The following CNTN5 variants were observed in gnomAD, a reference collection of about 807,000 sequenced individuals.
CNTN5 encodes the protein contactin 5, also known as contactin-5.
CNTN5 carries 77 observed loss-of-function variants against 129.1 expected under a neutral mutation model. That is an observed-to-expected ratio of 0.60 (90% CI 0.50 to 0.72). The LOEUF (loss-of-function observed/expected upper bound fraction) is 0.72, where lower values mean the gene tolerates loss of function less well. CNTN5 is among the 30% of genes least tolerant of loss of function. CNTN5 has a pLI of 0.00. For synonymous variants in CNTN5, 509 were observed against 465.6 expected (o/e 1.09, Z -1.20); for missense variants, 1,478 against 1,328.8 (o/e 1.11, Z -1.75).
chr11:99,591,723 A>G (rs1949987181), intron 3 of CNTN5, among the ~76,000 whole-genome samples: 1 of 152,120 alleles, frequency 6.6e-6, no homozygotes, highest in Non-Finnish European at 1.5e-5. Context: ...ATTGTGGAGT[A>G]AAGAGAGGCT....
chr11:99,923,749 A>ATCTGTCTG (rs369958644), intron 7 of CNTN5, among the ~76,000 whole-genome samples: 74 of 145,190 alleles, frequency 5.1e-4, no homozygotes, highest in African/African-American at 9.4e-4. Context: ...TATCTAATCT[A>ATCTGTCTG]TCTGTCTGTC....
At chr11:99,170,157 G>C (rs1161155169) in intron 1 of CNTN5, among the ~76,000 whole-genome samples, 1 of 151,706 alleles carries the variant, frequency 6.6e-6, no homozygotes, top group East Asian at 1.9e-4. Context: ...TGTATATATG[G>C]CTTACGTTTA....
chr11:99,950,846 A>G (rs1179784853), intron 7 of CNTN5, among the ~76,000 whole-genome samples: 1 of 152,172 alleles, frequency 6.6e-6, no homozygotes, highest in East Asian at 1.9e-4. Flanking sequence ...TACAATAATG[A>G]AAGAAGATTA....
chr11:99,187,903 C>T lies in CNTN5; in HGVS notation c.-209-137443C>T, dbSNP rs147415135. On this transcript the variant is annotated intron_variant, in intron 1 of 24. Coordinates refer to ENST00000524871, the MANE Select transcript of CNTN5 (RefSeq NM_014361.4). ...TACATTTAAGAAAGTCTTAATCCAT[C>T]CTTGAACACTTCTTTTTTGATCACT... 6.3e-3 allele frequency among the ~76,000 whole-genome samples: 962 copies of T among 151,840 alleles called. 7 individuals carry two copies. Among genetic ancestry groups the T allele is most frequent in the African/African-American group, 0.022 (930 of 41,490 alleles).
At chr11:99,261,295 A>C (rs576932639) in intron 1 of CNTN5, among the ~76,000 whole-genome samples, 1 of 152,136 alleles carries the variant, frequency 6.6e-6, no homozygotes, top group African/African-American at 2.4e-5. Context: ...TAAAATGTGT[A>C]ATTCTTCTTA....
intron 2 of CNTN5, among the ~76,000 whole-genome samples, chr11:99,376,058 C>T (rs1016776889): frequency 6.6e-6 from 1 of 151,884 alleles, no homozygotes; most frequent in Non-Finnish European, 1.5e-5. Context: ...AAAAAACTTG[C>T]GGATGATGCA....
At chr11:99,514,958 G>A (rs58249416) in intron 2 of CNTN5, among the ~76,000 whole-genome samples, 9,998 of 152,010 alleles carry the variant, frequency 0.066, 362 homozygotes, top group African/African-American at 0.097. Flanking sequence ...GAAGATATTA[G>A]ACTTTCATCT....
In CNTN5 at chr11:99,793,564, A is replaced by G. The variant is rs547908893; in HGVS notation, c.56-25980A>G. Among the ~76,000 whole-genome samples the G allele has an allele frequency of 7.5e-4, 114 of 152,212 alleles. 2 individuals are homozygous for G. In the South Asian group the frequency reaches 8.7e-3, roughly 12 times the overall value. Reference sequence around the variant, plus strand: ...TTTTTCAGGGATGTGTTTCATTTTTATAAGCTTCCCTCTTAACACTGCTTT... The same window carrying G: ...TTTTTCAGGGATGTGTTTCATTTTTGTAAGCTTCCCTCTTAACACTGCTTT... On this transcript the variant is annotated intron_variant, in intron 3 of 24. Transcript: ENST00000524871.
chr11:99,744,686 C>T (rs1943995335), intron 3 of CNTN5, among the ~76,000 whole-genome samples: 1 of 143,862 alleles, frequency 7.0e-6, no homozygotes, highest in Admixed American at 7.1e-5. Flanking sequence ...TGCCACTGCA[C>T]TACAGCCTGG....
intron 3 of CNTN5, among the ~76,000 whole-genome samples, chr11:99,601,607 C>A (rs2135706021): frequency 6.6e-6 from 1 of 152,294 alleles, no homozygotes; most frequent in African/African-American, 2.4e-5. Context: ...TTTGACAAAG[C>A]AAACTTTACT....
At chr11:99,388,933 C>T (rs1350967552) in intron 2 of CNTN5, among the ~76,000 whole-genome samples, 1 of 151,986 alleles carries the variant, frequency 6.6e-6, no homozygotes, top group Non-Finnish European at 1.5e-5. Context: ...AGGACTAAAA[C>T]AAAGAAGAAA....
In CNTN5 at chr11:99,516,259, G is replaced by A. The variant is rs539122423; in HGVS notation, c.-70-39886G>A. 1.2e-4 allele frequency among the ~76,000 whole-genome samples: 18 copies of A among 151,982 alleles called. No homozygotes were observed. The South Asian group carries it at 3.7e-3, about 32-fold the overall frequency. On this transcript the variant is annotated intron_variant, in intron 2 of 24. Transcript: ENST00000524871. ...TAAAAATCATTTTTACCATTCCAGT[G>A]GTATATGTTCTAATCAATTTCTAAT...
At chr11:99,514,016 C>G (rs1203283221) in intron 2 of CNTN5, among the ~76,000 whole-genome samples, 1 of 151,964 alleles carries the variant, frequency 6.6e-6, no homozygotes, top group Admixed American at 6.6e-5. Context: ...TAGATCCCAT[C>G]AAGAATATTT....
At chr11:100,252,951 G>A (rs113038284) in intron 16 of CNTN5, among the ~76,000 whole-genome samples, 4 of 152,288 alleles carry the variant, frequency 2.6e-5, no homozygotes, top group African/African-American at 9.6e-5. Flanking sequence ...TGTCTACTGA[G>A]TCAAACAGTC....
intron 4 of CNTN5, among the ~76,000 whole-genome samples, chr11:99,824,233 C>T (rs1000103656): frequency 2.0e-5 from 3 of 151,986 alleles, no homozygotes; most frequent in Non-Finnish European, 4.4e-5. Flanking sequence ...GTGATTGACA[C>T]TTCTACCAAC....
At chr11:99,338,607 G>C (rs1045577532) in intron 2 of CNTN5, among the ~76,000 whole-genome samples, 2 of 152,022 alleles carry the variant, frequency 1.3e-5, no homozygotes. Flanking sequence ...GTAAAATAAT[G>C]TCATTTATAG....
At chr11:99,046,433 A>G (rs898809747) in intron 1 of CNTN5, among the ~76,000 whole-genome samples, 2 of 152,186 alleles carry the variant, frequency 1.3e-5, no homozygotes, top group Non-Finnish European at 1.5e-5. Context: ...TATTAGAAAA[A>G]TAGTGTACAT....
rs758832175 is a variant in CNTN5 at position 99,308,167 on chromosome 11, T to C, written c.-209-17179T>C. 3.9e-5 allele frequency among the ~76,000 whole-genome samples: 6 copies of C among 152,258 alleles called. No individual in the cohort carries two copies. The East Asian group carries it at 9.6e-4, about 24-fold the overall frequency. ...GCTTTTGCTTCCTGTTTCTTTCTAG[T>C]ACTACTGGAAACCATAACTTCTTAC... On this transcript the variant is annotated intron_variant, in intron 1 of 24. Transcript: ENST00000524871.
chr11:99,302,211 A>T (rs948863720), intron 1 of CNTN5, among the ~76,000 whole-genome samples: 3 of 151,688 alleles, frequency 2.0e-5, no homozygotes, highest in African/African-American at 7.2e-5. Context: ...GGAAAAAAAG[A>T]ATAAATATTA....
Sources: gnomAD v4.1 joint callset for allele counts (sites outside exome capture counted in the v4.1 genomes callset) on GRCh38, gnomAD v4.1.1 for gene constraint, MANE v1.5 for transcripts, NCBI Gene and HGNC (gene_info 2026-07-23, HGNC 2026-07-21) for gene names.